CEP83: variants seen among roughly 807,000 people sequenced by gnomAD.
CEP83 encodes the protein centrosomal protein of 83 kDa.
CEP83 carries 70 observed loss-of-function variants against 101.9 expected under a neutral mutation model. The ratio of observed to expected loss-of-function variants is 0.69; its 90% CI spans 0.57 to 0.84. The LOEUF is 0.84. Among genes scored for constraint, CEP83 ranks in the 40% least tolerant of loss-of-function variants. CEP83 has a pLI of 0.00. For synonymous variants in CEP83, 264 were observed against 267.9 expected (o/e 0.99, Z 0.14); for missense variants, 715 against 787.2 (o/e 0.91, Z 1.10).
At chr12:94,331,419 T>G (rs2059214612) in intron 14 of CEP83, among the ~76,000 whole-genome samples, 1 of 122,276 alleles carries the variant, frequency 8.2e-6, no homozygotes, top group African/African-American at 3.2e-5. Flanking sequence ...CAGGCTGGAG[T>G]GCAGTGGCAC....
At chr12:94,316,919 T>C (rs1970794428) in intron 14 of CEP83, among the ~76,000 whole-genome samples, 1 of 152,122 alleles carries the variant, frequency 6.6e-6, no homozygotes, top group East Asian at 1.9e-4. Context: ...AAGATTTATA[T>C]TCCTTTGAGT....
At chr12:94,400,148 G>C (rs2063167400) in intron 6 of CEP83, among the ~76,000 whole-genome samples, 2 of 152,240 alleles carry the variant, frequency 1.3e-5, no homozygotes, top group East Asian at 1.9e-4. Flanking sequence ...CATAACTATA[G>C]ATACCAACCT....
rs2066713302 is a variant in CEP83, at chr12:94,445,269, C to CCGTA, written c.-154-9943_-154-9942insTACG. ...AATGGTCCTGGAACAATTGCCTTTT[C>CCGTA]CATACACACACACACACACACACAA... On this transcript the variant is annotated intron_variant, in intron 1 of 16. Transcript: ENST00000397809. Among the ~76,000 whole-genome samples, 3 of 119,780 alleles carry CCGTA rather than the reference C, an allele frequency of 2.5e-5. No homozygotes were observed. In the South Asian group the frequency reaches 8.1e-4, roughly 32 times the overall value. 78.6% of individuals were successfully genotyped at this position (119,780 alleles called of 152,430 possible).
At chr12:94,280,662 G>A in the CEP83 span, among the ~76,000 whole-genome samples, 2 of 152,190 alleles carry the variant, frequency 1.3e-5, no homozygotes, top group Non-Finnish European at 2.9e-5. Context: ...CAGGATCAAA[G>A]GGGGAGCCCC....
intron 8 of CEP83, among the ~76,000 whole-genome samples, chr12:94,373,185 G>A (rs1017835098): frequency 6.6e-6 from 1 of 151,966 alleles, no homozygotes; most frequent in African/African-American, 2.4e-5. Context: ...GCAATTCATG[G>A]TCTCCTAAAG....
intron 11 of CEP83, among the ~76,000 whole-genome samples, chr12:94,361,836 G>A (rs2060778272): frequency 6.6e-6 from 1 of 151,952 alleles, no homozygotes; most frequent in African/African-American, 2.4e-5. Context: ...AGTGTAGCTG[G>A]GATTACTGGC....
At chr12:94,391,805 C>G (rs1049302096) in intron 6 of CEP83, among the ~76,000 whole-genome samples, 2 of 145,334 alleles carry the variant, frequency 1.4e-5, no homozygotes, top group African/African-American at 2.5e-5. Flanking sequence ...AAAGGTAGAT[C>G]AAGCAAAAAA....
At chr12:94,456,681 G>A (rs189251478) in intron 1 of CEP83, among the ~76,000 whole-genome samples, 2 of 152,254 alleles carry the variant, frequency 1.3e-5, no homozygotes, top group Non-Finnish European at 2.9e-5. Flanking sequence ...ACTGTCACGA[G>A]GAACAGTATG....
At chr12:94,291,073 G>A in the CEP83 span, among the ~76,000 whole-genome samples, 1 of 152,236 alleles carries the variant, frequency 6.6e-6, no homozygotes, top group African/African-American at 2.4e-5. Context: ...GCCCATCAGG[G>A]TGTGGGGGAG....
At chr12:94,333,045 CAA>C (rs34900007) in intron 13 of CEP83, among the ~76,000 whole-genome samples, 8 of 73,158 alleles carry the variant, frequency 1.1e-4, no homozygotes, top group Admixed American at 1.6e-4. Flanking sequence ...ATTTTAAGAC[CAA>C]AAAAAAAAAA....
intron 15 of CEP83, chr12:94,312,693 C>A: frequency 1.0e-6 from 1 of 985,332 alleles, no homozygotes; most frequent in Non-Finnish European, 1.2e-6. Context: ...CTGTTAGTCC[C>A]AATCATAAGG....
chr12:94,321,649 G>A (rs1200426382), intron 14 of CEP83, among the ~76,000 whole-genome samples: 1 of 151,632 alleles, frequency 6.6e-6, no homozygotes, highest in Non-Finnish European at 1.5e-5. Context: ...ACTTTTCTGA[G>A]GTAGGTGCTT....
At chr12:94,307,421 T>TAAAC (rs1322736583), downstream of CEP83, 16 of 152,338 alleles carry the variant, frequency 1.1e-4, no homozygotes, top group African/African-American at 3.6e-4. Context: ...GGGTCTATAT[T>TAAAC]AAACAGCAAC....
At chr12:94,391,597 C>T (rs1350382334) in intron 6 of CEP83, among the ~76,000 whole-genome samples, 1 of 152,068 alleles carries the variant, frequency 6.6e-6, no homozygotes, top group Non-Finnish European at 1.5e-5. Flanking sequence ...CAGCGAACAT[C>T]GTAATGACAG....
intron 7 of CEP83, among the ~76,000 whole-genome samples, chr12:94,377,595 A>G (rs1236923029): frequency 6.6e-6 from 1 of 152,246 alleles, no homozygotes; most frequent in Non-Finnish European, 1.5e-5. Flanking sequence ...AAGAAGAAAG[A>G]AATGCTTGCT....
chr12:94,459,944 C>G (rs1269113336), upstream of CEP83: 1 of 152,516 alleles, frequency 6.6e-6, no homozygotes, highest in Non-Finnish European at 1.5e-5. Context: ...GAGGAGCGGG[C>G]TCTGTCCCTT....
At chr12:94,343,905 A>T (rs1000310417) in intron 11 of CEP83, among the ~76,000 whole-genome samples, 8 of 152,222 alleles carry the variant, frequency 5.3e-5, no homozygotes, top group African/African-American at 1.9e-4. Flanking sequence ...GCCTTTAAAG[A>T]GACAATTAAG....
chr12:94,395,661 A>AAAACAC (rs1328495811), intron 6 of CEP83, among the ~76,000 whole-genome samples: 1 of 151,992 alleles, frequency 6.6e-6, no homozygotes, highest in Non-Finnish European at 1.5e-5. Flanking sequence ...GTCTCTACTA[A>AAAACAC]AAACACAAAA....
At chr12:94,413,665 C>T (rs2064052391) in intron 2 of CEP83, among the ~76,000 whole-genome samples, 2 of 152,038 alleles carry the variant, frequency 1.3e-5, no homozygotes, top group South Asian at 2.1e-4. Context: ...AAAACTAAAT[C>T]TCACCTATCT....
Sources: allele counts gnomAD v4.1 joint callset (sites outside exome capture counted in the v4.1 genomes callset), GRCh38; gene constraint gnomAD v4.1.1; transcripts MANE v1.5; gene names NCBI Gene and HGNC (gene_info 2026-07-23, HGNC 2026-07-21).